The following LRMDA variants were observed in gnomAD, a reference collection of about 807,000 sequenced individuals.
LRMDA encodes leucine-rich melanocyte differentiation-associated protein.
LRMDA carries 18 observed loss-of-function variants against 29.8 expected under a neutral mutation model. The ratio of observed to expected loss-of-function variants is 0.60; its 90% CI spans 0.42 to 0.90. The LOEUF (loss-of-function observed/expected upper bound fraction) is 0.90. Among genes scored for constraint, LRMDA ranks in the 40% least tolerant of loss-of-function variants. The probability of loss-of-function intolerance (pLI) is 0.00; values close to 1 mark genes in which losing one functional copy is unlikely to be tolerated. For missense variants in LRMDA, 273 were observed against 273.9 expected (o/e 1.00, Z 0.02); for synonymous variants, 125 against 109.4 (o/e 1.14, Z -0.89).
chr10:75,755,310 C>A (rs1843018514), intron 2 of LRMDA, among the ~76,000 whole-genome samples: 1 of 152,202 alleles, frequency 6.6e-6, no homozygotes, highest in South Asian at 2.1e-4. Flanking sequence ...ATTTGGGGCA[C>A]TATCTTATTA....
intron 2 of LRMDA, among the ~76,000 whole-genome samples, chr10:75,667,273 C>A (rs1841835137): frequency 6.6e-6 from 1 of 150,702 alleles, no homozygotes; most frequent in African/African-American, 2.4e-5. Context: ...AAAATGGATT[C>A]TTTTACTGGG....
chr10:75,646,073 G>T, intron 2 of LRMDA, among the ~76,000 whole-genome samples: 1 of 144,720 alleles, frequency 6.9e-6, no homozygotes, highest in African/African-American at 2.6e-5. Context: ...TTCTTTCTTG[G>T]GTCTTCTCTC....
intron 2 of LRMDA, among the ~76,000 whole-genome samples, chr10:75,659,281 T>G (rs984179031): frequency 2.6e-5 from 4 of 152,302 alleles, no homozygotes; most frequent in African/African-American, 9.6e-5. Flanking sequence ...CTTTCCAGTT[T>G]TTGCTTAAAA....
intron 3 of LRMDA, among the ~76,000 whole-genome samples, chr10:76,044,542 C>A (rs555471662): frequency 1.3e-5 from 2 of 149,552 alleles, no homozygotes; most frequent in South Asian, 2.1e-4. Context: ...TGTTCACTGT[C>A]ATTTTAATTG....
intron 2 of LRMDA, among the ~76,000 whole-genome samples, chr10:75,633,188 G>T (rs1390752072): frequency 6.6e-6 from 1 of 152,124 alleles, no homozygotes; most frequent in Non-Finnish European, 1.5e-5. Flanking sequence ...TTAGATCCTG[G>T]CCTGGTTCTT....
intron 5 of LRMDA, among the ~76,000 whole-genome samples, chr10:76,283,860 C>T (rs533482590): frequency 3.5e-4 from 54 of 152,236 alleles, no homozygotes; most frequent in Non-Finnish European, 7.5e-4. Flanking sequence ...GAGAGGAGGT[C>T]TCACTCTATT....
chr10:76,363,276 A>AAGGAAGGAAGGAAAGG (rs1218743181), intron 6 of LRMDA, among the ~76,000 whole-genome samples: 6 of 58,874 alleles, frequency 1.0e-4, no homozygotes, highest in African/African-American at 4.2e-4. Context: ...GGAAGGAAGG[A>AAGGAAGGAAGGAAAGG]AAGGAAGGAA....
At chr10:76,061,897 T>C (rs1380824181) in intron 5 of LRMDA, among the ~76,000 whole-genome samples, 1 of 152,204 alleles carries the variant, frequency 6.6e-6, no homozygotes, top group African/African-American at 2.4e-5. Context: ...GTGGTACTTT[T>C]CTTGTAGAAA....
At chr10:76,436,273 T>A (rs528854490) in intron 6 of LRMDA, among the ~76,000 whole-genome samples, 5 of 152,300 alleles carry the variant, frequency 3.3e-5, no homozygotes, top group African/African-American at 1.2e-4. Context: ...TGCAGAGTCA[T>A]TAATGCTTTC....
At chr10:76,120,521 C>G (rs1185588076) in intron 5 of LRMDA, among the ~76,000 whole-genome samples, 1 of 151,946 alleles carries the variant, frequency 6.6e-6, no homozygotes, top group Non-Finnish European at 1.5e-5. Context: ...TCATACTGCG[C>G]CATGTTTCAT....
intron 6 of LRMDA, among the ~76,000 whole-genome samples, chr10:76,391,895 A>T (rs994824154): frequency 3.3e-5 from 5 of 152,132 alleles, no homozygotes; most frequent in African/African-American, 7.2e-5. Flanking sequence ...TATGCAAATT[A>T]TATCTGTCTA....
intron 6 of LRMDA, among the ~76,000 whole-genome samples, chr10:76,372,490 G>A (rs2132459929): frequency 6.6e-6 from 1 of 152,090 alleles, no homozygotes; most frequent in South Asian, 2.1e-4. Flanking sequence ...GCAGGTGCCT[G>A]AAATACCAGC....
At chr10:76,266,290 A>G (rs546470095) in intron 5 of LRMDA, among the ~76,000 whole-genome samples, 125 of 152,258 alleles carry the variant, frequency 8.2e-4, no homozygotes, top group Admixed American at 1.3e-3. Flanking sequence ...ATTTCATCCT[A>G]TAATGTTAGA....
intron 2 of LRMDA, among the ~76,000 whole-genome samples, chr10:75,998,701 A>G (rs1847513210): frequency 3.3e-5 from 5 of 152,250 alleles, no homozygotes; most frequent in Admixed American, 2.0e-4. Flanking sequence ...GGCAGACATT[A>G]GAGATTACTC....
rs1385573060 is a variant in LRMDA at position 76,559,614 on chromosome 10, G to A, written c.*2326G>A. 2 of 152,236 alleles carry A rather than the reference G, an allele frequency of 1.3e-5. No individual in the cohort carries two copies. Among genetic ancestry groups the A allele is most frequent in the Non-Finnish European group, 2.9e-5 (2 of 68,054 alleles). The allele number at this position is 152,236 out of a possible 1,614,324, so 9.4% of individuals were successfully genotyped here. The stretch of plus-strand genomic sequence containing the variant: ...ACTTTGGTCTGAATTGGCAGAGGTA[G>A]AACCCATGTTGCATGTTTATCCTAA... On this transcript the variant is annotated 3_prime_UTR_variant, in exon 7 of 7. Transcript: ENST00000611255.
chr10:76,016,363 T>C (rs1167765387), intron 2 of LRMDA, among the ~76,000 whole-genome samples: 1 of 151,684 alleles, frequency 6.6e-6, no homozygotes, highest in Non-Finnish European at 1.5e-5. Context: ...TTTTTTTTAG[T>C]TTTGGTTTAT....
intron 5 of LRMDA, among the ~76,000 whole-genome samples, chr10:76,166,343 G>A (rs148214206): frequency 7.6e-4 from 116 of 152,200 alleles, no homozygotes; most frequent in African/African-American, 2.6e-3. Context: ...AAGTTCAGGG[G>A]TACATGTGCA....
intron 2 of LRMDA, among the ~76,000 whole-genome samples, chr10:75,751,296 G>A (rs1180220363): frequency 6.6e-6 from 1 of 151,888 alleles, no homozygotes; most frequent in Non-Finnish European, 1.5e-5. Flanking sequence ...GCATCAGAGG[G>A]AGACTGTGGA....
At chr10:76,390,748 C>G (rs570676735) in intron 6 of LRMDA, among the ~76,000 whole-genome samples, 80 of 152,228 alleles carry the variant, frequency 5.3e-4, no homozygotes, top group African/African-American at 1.9e-3. Flanking sequence ...ACCTTGGACT[C>G]TGCTCCAGCT....
Sources: allele counts gnomAD v4.1 joint callset (sites outside exome capture counted in the v4.1 genomes callset), GRCh38; gene constraint gnomAD v4.1.1; transcripts MANE v1.5; gene names NCBI Gene and HGNC (gene_info 2026-07-23, HGNC 2026-07-21).